Variants in ITGAE observed in about 807,000 individuals in gnomAD.
ITGAE encodes the protein integrin alpha-E.
Under a neutral mutation model 136.5 loss-of-function variants are expected in ITGAE, and 99 were observed. The ratio of observed to expected loss-of-function variants is 0.73; its 90% CI spans 0.62 to 0.86. The LOEUF is 0.86. Ranked by LOEUF, ITGAE falls within the 40% of genes least tolerant of loss-of-function variation. The pLI, the probability that ITGAE is intolerant of heterozygous loss-of-function variation, is 0.00. For synonymous variants in ITGAE, 613 were observed against 591.8 expected (o/e 1.04, Z -0.52); for missense variants, 1,447 against 1,515.3 (o/e 0.95, Z 0.75).
intron 28 of ITGAE, among the ~76,000 whole-genome samples, chr17:3,721,182 G>C (rs2051042394): frequency 6.7e-6 from 1 of 148,962 alleles, no homozygotes. Flanking sequence ...ACCCACCTTA[G>C]CCTCCCACAG....
chr17:3,788,001 T>C (rs1161595627), intron 1 of ITGAE, among the ~76,000 whole-genome samples: 1 of 152,152 alleles, frequency 6.6e-6, no homozygotes, highest in African/African-American at 2.4e-5. Context: ...AATTTGCCTT[T>C]CTCTGACGTC....
rs1240904472 is a variant in ITGAE, at chr17:3,798,325, C to T, written c.34+2786G>A. Reference sequence around the variant, plus strand: ...AGGGGTGGCCTCGCCTCTGCCCGCACCTCCAGGGCCCAGCATGTCCCGATT... The same window carrying T: ...AGGGGTGGCCTCGCCTCTGCCCGCATCTCCAGGGCCCAGCATGTCCCGATT... On this transcript the variant is annotated intron_variant, in intron 1 of 30. Transcript: ENST00000263087. The surrounding 1 kb of genome is among the most constrained non-coding windows in gnomAD (Gnocchi z 4.3). Among the ~76,000 whole-genome samples, 2 of 152,174 alleles carry T rather than the reference C, an allele frequency of 1.3e-5. No individual in the cohort carries two copies. Among genetic ancestry groups the T allele is most frequent in the Admixed American group, 6.5e-5 (1 of 15,278 alleles).
intron 1 of ITGAE, among the ~76,000 whole-genome samples, chr17:3,796,999 A>AC (rs1206402829): frequency 6.6e-6 from 1 of 151,454 alleles, no homozygotes; most frequent in Non-Finnish European, 1.5e-5. Context: ...CAGTCCCCCC[A>AC]CCTCGATCTT....
chr17:3,743,621 T>A lies in ITGAE; in HGVS notation c.2320-4A>T, dbSNP rs1295056639. On this transcript the variant is annotated splice_region_variant and splice_polypyrimidine_tract_variant and intron_variant, in intron 18 of 30. Coordinates refer to ENST00000263087, the MANE Select transcript of ITGAE (RefSeq NM_002208.5). Reference sequence around the variant, plus strand: ...AGAAGCAGTCCTCCTCACAGAGCTGTGGGGTCACCACGGAAGGCAGGGTTA... The same window carrying A: ...AGAAGCAGTCCTCCTCACAGAGCTGAGGGGTCACCACGGAAGGCAGGGTTA... The A allele has an allele frequency of 2.5e-6, 4 of 1,610,202 alleles. No individual in the cohort carries two copies. In the African/African-American group the frequency reaches 5.4e-5, roughly 22 times the overall value.
intron 26 of ITGAE, 51 bp from the exon 27 acceptor site, chr17:3,723,795 T>TTTCCG (rs1378068157): frequency 1.3e-6 from 2 of 1,596,958 alleles, no homozygotes; most frequent in Admixed American, 1.8e-5. Context: ...AGCCGCCAGT[T>TTTCCG]TTCCGTCCCG....
chr17:3,753,877 G>T lies in ITGAE; in HGVS notation c.1433C>A (p.Ala478Glu). 1.2e-6 allele frequency: 2 copies of T among 1,614,130 alleles called. No individual in the cohort carries two copies. The highest frequency in any genetic ancestry group is 1.1e-5 in the South Asian group (1 of 91,086). ...LHKTCSLSYIAGAPRYKHHGA... is the reference protein window; with the variant it reads ...LHKTCSLSYIEGAPRYKHHGA... ...ATGATGTTTGTACCGTGGAGCCCCCGCGATGTAGGAGAGGCTGCAGGTCTT... is the reference window on the plus strand; with the variant it reads ...ATGATGTTTGTACCGTGGAGCCCCCTCGATGTAGGAGAGGCTGCAGGTCTT... The change falls in exon 13 of 31, where the codon GCG (alanine) becomes GAG (glutamate). Residue 478 changes from alanine to glutamate, a missense_variant. By Grantham distance (107) the Ala-to-Glu change is moderately radical (BLOSUM62 -1). Transcript: ENST00000263087.
chr17:3,720,563 C>A, intron 28 of ITGAE, 161 bp from the exon 29 acceptor site: 1 of 482,404 alleles, frequency 2.1e-6, no homozygotes, highest in Non-Finnish European at 3.7e-6. Flanking sequence ...AACAAGACAT[C>A]TGCAGTTATT....
intron 26 of ITGAE, chr17:3,724,312 G>A: frequency 6.3e-7 from 1 of 1,588,276 alleles, no homozygotes; most frequent in Non-Finnish European, 8.5e-7. Flanking sequence ...CCGCAGAAGT[G>A]CAGCACACCC....
chr17:3,748,868 C>T (rs995542787), intron 16 of ITGAE, among the ~76,000 whole-genome samples: 78 of 151,576 alleles, frequency 5.1e-4, no homozygotes, highest in African/African-American at 1.7e-3. Flanking sequence ...AATGGAGGGG[C>T]GGGAAGGGCC....
chr17:3,756,858 A>G (rs572085493), intron 10 of ITGAE, 126 bp downstream of exon 10: 1 of 1,042,740 alleles, frequency 9.6e-7, no homozygotes, highest in Admixed American at 2.6e-5. Context: ...CTTTTTAGAC[A>G]TGGAAGAGCT....
In ITGAE at chr17:3,756,224, C is replaced by CTT. The variant is rs398041526; in HGVS notation, c.1172-329_1172-328dup. 4.4e-4 allele frequency among the ~76,000 whole-genome samples: 42 copies of CTT among 95,028 alleles called. 3 individuals carry two copies. The highest frequency in any genetic ancestry group is 7.1e-4 in the South Asian group (2 of 2,806). 62.3% of individuals were successfully genotyped at this position (95,028 alleles called of 152,430 possible). Reference sequence around the variant, plus strand: ...AAGGAGGCCTGGGGATATTGTTGGCCTTTTTTTTTTTTTTTTTTTTTTTTT... The same window carrying CTT: ...AAGGAGGCCTGGGGATATTGTTGGCCTTTTTTTTTTTTTTTTTTTTTTTTTTT... On this transcript the variant is annotated intron_variant, in intron 10 of 30. Coordinates refer to ENST00000263087, the MANE Select transcript of ITGAE (RefSeq NM_002208.5).
chr17:3,792,133 A>AT (rs917459894), intron 1 of ITGAE, among the ~76,000 whole-genome samples: 1 of 151,942 alleles, frequency 6.6e-6, no homozygotes, highest in Non-Finnish European at 1.5e-5. Context: ...TTATGTATTT[A>AT]TTTTTTGAGA....
At chr17:3,774,502 G>A (rs2143273576) in intron 2 of ITGAE, among the ~76,000 whole-genome samples, 1 of 152,288 alleles carries the variant, frequency 6.6e-6, no homozygotes, top group Admixed American at 6.5e-5. Context: ...GGTGGCTCAT[G>A]CCTGTAATCC....
chr17:3,720,843 A>G (rs1022562389), intron 28 of ITGAE, among the ~76,000 whole-genome samples: 4 of 152,100 alleles, frequency 2.6e-5, no homozygotes, highest in African/African-American at 7.2e-5. Flanking sequence ...TCGGCCTCCC[A>G]AAGTGCTGGG....
At chr17:3,786,264 A>T (rs926742419) in intron 1 of ITGAE, among the ~76,000 whole-genome samples, 2 of 152,200 alleles carry the variant, frequency 1.3e-5, no homozygotes, top group South Asian at 2.1e-4. Flanking sequence ...TTGAAATAGA[A>T]ATGCACCAAA....
Position 3,794,041 on chromosome 17 carries a change from C to T in ITGAE, c.34+7070G>A, listed in dbSNP as rs60083176. Reference sequence around the variant, plus strand: ...TCGCCCAGGCTGGAGTGCAATGGCACGATCTCGGCTCATTGCAACCTCCGC... The same window carrying T: ...TCGCCCAGGCTGGAGTGCAATGGCATGATCTCGGCTCATTGCAACCTCCGC... On this transcript the variant is annotated intron_variant, in intron 1 of 30. Transcript: ENST00000263087. Among the ~76,000 whole-genome samples the T allele has an allele frequency of 1.4e-3, 205 of 145,812 alleles. 1 individual carries two copies. The highest frequency in any genetic ancestry group is 5.0e-3 in the African/African-American group (195 of 39,016).
At chr17:3,720,564 T>C in intron 28 of ITGAE, 162 bp from the exon 29 acceptor site, 1 of 483,608 alleles carries the variant, frequency 2.1e-6, no homozygotes, top group Non-Finnish European at 3.7e-6. Context: ...ACAAGACATC[T>C]GCAGTTATTC....
intron 28 of ITGAE, chr17:3,720,604 T>TG: frequency 2.5e-6 from 1 of 404,824 alleles, no homozygotes; most frequent in South Asian, 2.9e-5. Context: ...TTTTTTGAGA[T>TG]GGAGTTTCGC....
chr17:3,765,134 G>A (rs550298001), intron 2 of ITGAE, among the ~76,000 whole-genome samples: 1 of 152,202 alleles, frequency 6.6e-6, no homozygotes, highest in South Asian at 2.1e-4. Context: ...CAGATCACGA[G>A]GTCAGGAGAT....
Sources: allele counts gnomAD v4.1 joint callset (sites outside exome capture counted in the v4.1 genomes callset), GRCh38; gene constraint gnomAD v4.1.1; non-coding constraint Gnocchi (gnomAD v3.1); transcripts MANE v1.5; gene names NCBI Gene and HGNC (gene_info 2026-07-23, HGNC 2026-07-21).